Variants in ACACB observed in about 807,000 individuals in gnomAD.
ACACB encodes acetyl-CoA carboxylase beta.
In ACACB, 209 loss-of-function variants were observed where a neutral mutation model predicts 278.8. That is an observed-to-expected ratio of 0.75 (90% CI 0.67 to 0.84). The LOEUF (loss-of-function observed/expected upper bound fraction) is 0.84. Among genes scored for constraint, ACACB ranks in the 40% least tolerant of loss-of-function variants. The pLI is 0.00. For missense variants in ACACB, 2,850 were observed against 3,269.0 expected (o/e 0.87, Z 3.13); for synonymous variants, 1,174 against 1,285.6 (o/e 0.91, Z 1.86).
intron 19 of ACACB, 84 bp from the exon 20 acceptor site, chr12:109,206,626 A>T (rs1365955827): frequency 1.3e-6 from 2 of 1,517,674 alleles, no homozygotes; most frequent in African/African-American, 1.4e-5. Flanking sequence ...AAGCCGGCAG[A>T]TCTGTCCTGC....
chr12:109,257,943 C>G (rs2047272067), intron 45 of ACACB, among the ~76,000 whole-genome samples: 1 of 152,202 alleles, frequency 6.6e-6, no homozygotes, highest in African/African-American at 2.4e-5. Context: ...TGCCACGTTC[C>G]ACGTGCAGCC....
chr12:109,185,536 C>T, intron 11 of ACACB, 43 bp from the exon 12 acceptor site: 1 of 1,609,004 alleles, frequency 6.2e-7, no homozygotes, highest in Non-Finnish European at 8.5e-7. Context: ...GGGCCGTGTT[C>T]TGGTAGGACT....
chr12:109,251,989 G>C, intron 41 of ACACB, 57 bp from the exon 42 acceptor site: 2 of 1,358,128 alleles, frequency 1.5e-6, no homozygotes, highest in Non-Finnish European at 2.0e-6. Context: ...CTTCCCTGCT[G>C]TGGGGGGTGG....
chr12:109,191,571 T>C (rs771206221), intron 13 of ACACB, 42 bp from the exon 14 acceptor site: 5 of 1,611,056 alleles, frequency 3.1e-6, no homozygotes, highest in Non-Finnish European at 4.2e-6. Flanking sequence ...TGTTGATGTA[T>C]GCATGAATTT....
chr12:109,262,590 CTG>C (rs1433674602), intron 49 of ACACB, 121 bp downstream of exon 49: 2 of 610,920 alleles, frequency 3.3e-6, no homozygotes, highest in Admixed American at 3.0e-5. Context: ...GCTATAATAA[CTG>C]TGAGATTTTT....
chr12:109,227,112 G>A (rs2046334989), intron 27 of ACACB, among the ~76,000 whole-genome samples: 1 of 152,010 alleles, frequency 6.6e-6, no homozygotes, highest in Non-Finnish European at 1.5e-5. Context: ...CACCATGCCT[G>A]GCTAGTTTTT....
Position 109,172,358 on chromosome 12 carries a change from T to C in ACACB, c.1117+2T>C. 6.2e-7 allele frequency: 1 copy of C among 1,614,028 alleles called. No individual in the cohort carries two copies. Among genetic ancestry groups the C allele is most frequent in the East Asian group, 2.2e-5 (1 of 44,880 alleles). On this transcript the variant is annotated splice_donor_variant, in intron 6 of 52. Coordinates refer to ENST00000338432, the MANE Select transcript of ACACB (RefSeq NM_001093.4). LOFTEE classifies it high-confidence loss of function. ...GCAAGAATGGAGTTGCTTTCTTAGG[T>C]AGAGTGTGTCCCCATCAGATACATG...
intron 28 of ACACB, among the ~76,000 whole-genome samples, chr12:109,229,103 C>T (rs1249375537): frequency 6.6e-6 from 1 of 152,018 alleles, no homozygotes; most frequent in Non-Finnish European, 1.5e-5. Context: ...CCACCATGCT[C>T]GGCTAATTTT....
chr12:109,254,804 T>C (rs1217817726), intron 44 of ACACB, among the ~76,000 whole-genome samples: 1 of 151,910 alleles, frequency 6.6e-6, no homozygotes, highest in East Asian at 1.9e-4. Context: ...TGAGACAGTG[T>C]TGCTCTGTCG....
chr12:109,137,218 C>A (rs2042987105), intron 1 of ACACB, among the ~76,000 whole-genome samples: 1 of 151,996 alleles, frequency 6.6e-6, no homozygotes, highest in Non-Finnish European at 1.5e-5. Context: ...CCCCTCTGAC[C>A]CTGTGTACTA....
chr12:109,218,180 G>A (rs1415064610), intron 24 of ACACB, among the ~76,000 whole-genome samples: 3 of 152,154 alleles, frequency 2.0e-5, no homozygotes, highest in African/African-American at 7.2e-5. Flanking sequence ...CTTTCCACTC[G>A]ATGATAGCAG....
At position 109,206,776 on chromosome 12, in the gene ACACB, C is replaced by G. The variant is rs2136372395; in HGVS notation, c.2980C>G (p.Gln994Glu). 1 of 1,614,146 alleles carries G rather than the reference C, an allele frequency of 6.2e-7. No homozygotes were observed. The highest frequency in any genetic ancestry group is 8.5e-7 in the Non-Finnish European group (1 of 1,180,032). Reference protein sequence around the residue: ...TLPILGEKLHQVFHSVLENLT... With the variant: ...TLPILGEKLHEVFHSVLENLT... Reference sequence around the variant, plus strand: ...GCCCATCCTCGGAGAGAAACTGCACCAGGTCTTCCACAGCGTCCTGGAAAA... The same window carrying G: ...GCCCATCCTCGGAGAGAAACTGCACGAGGTCTTCCACAGCGTCCTGGAAAA... The change falls in exon 20 of 53, where the codon CAG becomes GAG. Residue 994 changes from glutamine (Q) to glutamate (E), a missense_variant. Physicochemically the swap from Gln to Glu is conservative, Grantham distance 29. This residue lies in a region of ACACB where 2,265 missense variants were observed against 2,561.3 expected (regional missense o/e 0.88). Transcript: ENST00000338432.
chr12:109,253,063 C>G lies in ACACB; in HGVS notation c.5950C>G (p.Gln1984Glu). Reference sequence around the variant, plus strand: ...ATCCAACAACCAGCTGGGTGGCGTTCAGATCATGCATTACAATGGTGTCTC... The same window carrying G: ...ATCCAACAACCAGCTGGGTGGCGTTGAGATCATGCATTACAATGGTGTCTC... ...YTSNNQLGGV[Q>E]IMHYNGVSHI... Residue 1984 changes from glutamine to glutamate, a missense_variant, in exon 43 of 53, where the codon CAG (glutamine) becomes GAG (glutamate). Gln to Glu is a conservative substitution (Grantham distance 29). Coordinates refer to ENST00000338432, the MANE Select transcript of ACACB (RefSeq NM_001093.4). The G allele has an allele frequency of 6.2e-7, 1 of 1,613,290 alleles. No individual in the cohort carries two copies. Among genetic ancestry groups the G allele is most frequent in the Non-Finnish European group, 8.5e-7 (1 of 1,179,584 alleles).
rs760881766 is a variant in ACACB, at chr12:109,237,311, A to T, written c.4593A>T (p.Glu1531Asp). 2 of 1,614,204 alleles carry T rather than the reference A, an allele frequency of 1.2e-6. No homozygotes were observed. The highest frequency in any genetic ancestry group is 1.7e-5 in the Admixed American group (1 of 60,018). The part of the protein sequence containing the change: ...HLYLGAAKVK[E>D]GVEVTDHRFF... ...ACCTGGGTGCTGCCAAGGTGAAGGA[A>T]GGTGTGGAAGTGACGGACCATAGGT... Residue 1531 changes from glutamate to aspartate, a missense_variant, in exon 34 of 53, where the codon GAA becomes GAT. Physicochemically the swap from Glu to Asp is conservative, Grantham distance 45. Transcript: ENST00000338432.
Position 109,139,401 on chromosome 12 carries a change from T to G in ACACB, c.-5T>G, listed in dbSNP as rs1487862492. 6.2e-7 allele frequency: 1 copy of G among 1,605,264 alleles called. No individual in the cohort carries two copies. Among genetic ancestry groups the G allele is most frequent in the Non-Finnish European group, 8.5e-7 (1 of 1,175,368 alleles). Reference sequence around the variant, plus strand: ...TCTCTCCTTTTCTCCTTACAGATTTTCTGAATGGTCTTGCTTCTTTGTCTA... The same window carrying G: ...TCTCTCCTTTTCTCCTTACAGATTTGCTGAATGGTCTTGCTTCTTTGTCTA... On this transcript the variant is annotated 5_prime_UTR_variant, in exon 2 of 53. Transcript: ENST00000338432.
chr12:109,189,681 A>C (rs2044795518), intron 13 of ACACB, among the ~76,000 whole-genome samples: 1 of 152,100 alleles, frequency 6.6e-6, no homozygotes, highest in Non-Finnish European at 1.5e-5. Context: ...CAGCTTCCAG[A>C]CCCACAGCTG....
intron 1 of ACACB, among the ~76,000 whole-genome samples, chr12:109,130,689 C>T (rs1422540499): frequency 2.0e-5 from 3 of 152,204 alleles, no homozygotes; most frequent in Admixed American, 2.0e-4. Flanking sequence ...AAGGTGTCCA[C>T]CAGTCAGCCT....
At position 109,222,571 on chromosome 12, in the gene ACACB, C is replaced by T. The variant is rs144155916; in HGVS notation, c.3629C>T (p.Thr1210Ile). 1.2e-6 allele frequency: 2 copies of T among 1,614,102 alleles called. No individual in the cohort carries two copies. Among genetic ancestry groups the T allele is most frequent in the Non-Finnish European group, 1.7e-6 (2 of 1,180,048 alleles). Reference sequence around the variant, plus strand: ...CTGATCTCCATCCTCAACGAGCTCACTCAGCTGAGCAAAAGCGAGCACTGC... The same window carrying T: ...CTGATCTCCATCCTCAACGAGCTCATTCAGCTGAGCAAAAGCGAGCACTGC... The part of the protein sequence containing the change: ...DELISILNEL[T>I]QLSKSEHCKV... Residue 1210 changes from threonine to isoleucine, a missense_variant, in exon 25 of 53, where the codon ACT becomes ATT. Physicochemically the swap from Thr to Ile is moderately conservative, Grantham distance 89. This residue lies in a region of ACACB where 2,265 missense variants were observed against 2,561.3 expected (regional missense o/e 0.88). Coordinates refer to ENST00000338432, the MANE Select transcript of ACACB (RefSeq NM_001093.4).
intron 2 of ACACB, among the ~76,000 whole-genome samples, chr12:109,152,280 T>A (rs997435719): frequency 6.6e-6 from 1 of 152,224 alleles, no homozygotes; most frequent in African/African-American, 2.4e-5. Context: ...ATTTCTTGAT[T>A]TTCATTGCTT....
Sources: allele counts gnomAD v4.1 joint callset (sites outside exome capture counted in the v4.1 genomes callset), GRCh38; gene constraint gnomAD v4.1.1; regional missense constraint gnomAD v4.1.1; transcripts MANE v1.5; gene names NCBI Gene and HGNC (gene_info 2026-07-23, HGNC 2026-07-21).